The following USP12 variants were observed in gnomAD, a reference collection of about 807,000 sequenced individuals.
USP12 encodes ubiquitin carboxyl-terminal hydrolase 12.
USP12 carries 19 observed loss-of-function variants against 45.5 expected under a neutral mutation model. The ratio of observed to expected loss-of-function variants is 0.42; its 90% confidence interval spans 0.29 to 0.61. The LOEUF (loss-of-function observed/expected upper bound fraction) is 0.61, where lower values mean the gene tolerates loss of function less well. USP12 is among the 20% of genes least tolerant of loss of function. The pLI, the probability that USP12 is intolerant of heterozygous loss-of-function variation, is 0.22. For synonymous variants in USP12, 149 were observed against 148.8 expected (o/e 1.00, Z -0.01); for missense variants, 242 against 447.7 (o/e 0.54, Z 4.15).
chr13:27,133,779 T>C (rs1056245323), intron 1 of USP12, among the ~76,000 whole-genome samples: 2 of 152,144 alleles, frequency 1.3e-5, no homozygotes, highest in African/African-American at 2.4e-5. Flanking sequence ...ATACTACATA[T>C]AGAAATGTAA....
At chr13:27,160,613 A>G (rs903791202) in intron 1 of USP12, among the ~76,000 whole-genome samples, 2 of 151,866 alleles carry the variant, frequency 1.3e-5, no homozygotes, top group African/African-American at 2.4e-5. Flanking sequence ...TGAGCCTTTG[A>G]TGTTTCAAAT....
intron 1 of USP12, among the ~76,000 whole-genome samples, chr13:27,123,560 C>T (rs1876095220): frequency 6.6e-6 from 1 of 152,142 alleles, no homozygotes; most frequent in African/African-American, 2.4e-5. Flanking sequence ...TCCCACGTGT[C>T]GTGGCAGAGA....
chr13:27,162,204 T>G (rs1878142104), intron 1 of USP12, among the ~76,000 whole-genome samples: 1 of 152,188 alleles, frequency 6.6e-6, no homozygotes, highest in Admixed American at 6.5e-5. Context: ...TCTGATCTAA[T>G]GGGGAAATTA....
chr13:27,121,463 C>A (rs1875981556), intron 1 of USP12, among the ~76,000 whole-genome samples: 1 of 152,102 alleles, frequency 6.6e-6, no homozygotes, highest in Admixed American at 6.5e-5. Context: ...CAAATACAAG[C>A]CAAGAGATTT....
In USP12 at chr13:27,073,972, T is replaced by A. The variant is rs185204010; in HGVS notation, c.932+1219A>T. Among the ~76,000 whole-genome samples the A allele has an allele frequency of 1.9e-3, 291 of 152,294 alleles. 1 individual carries two copies. Among genetic ancestry groups the A allele is most frequent in the African/African-American group, 6.7e-3 (280 of 41,560 alleles). On this transcript the variant is annotated intron_variant, in intron 7 of 8. Transcript: ENST00000282344. Reference sequence around the variant, plus strand: ...TTGACACTGCTTCACTCCTTTAAGATGTGATCACTCTTAATTTAGAAGTAG... The same window carrying A: ...TTGACACTGCTTCACTCCTTTAAGAAGTGATCACTCTTAATTTAGAAGTAG...
intron 6 of USP12, among the ~76,000 whole-genome samples, chr13:27,088,639 C>T (rs1330000059): frequency 2.6e-5 from 4 of 152,212 alleles, no homozygotes; most frequent in Non-Finnish European, 2.9e-5. Context: ...ACATGACTAG[C>T]CCCAAATAAA....
chr13:27,080,751 A>G (rs1171060016), intron 6 of USP12, among the ~76,000 whole-genome samples: 1 of 152,254 alleles, frequency 6.6e-6, no homozygotes, highest in African/African-American at 2.4e-5. Flanking sequence ...GAAGACCGCA[A>G]TAAAGCAAGT....
intron 1 of USP12, among the ~76,000 whole-genome samples, chr13:27,168,717 T>C (rs117724449): frequency 0.039 from 5,957 of 152,300 alleles, 156 homozygotes; most frequent in Admixed American, 0.076. Context: ...CAGGCTATAA[T>C]ACTAACTTAT....
intron 1 of USP12, chr13:27,169,274 A>G (rs557343717): frequency 6.6e-6 from 1 of 152,322 alleles, no homozygotes; most frequent in South Asian, 2.1e-4. Context: ...GGATTATTCA[A>G]GTAAGGCTCC....
At chr13:27,147,500 T>C (rs1877360330) in intron 1 of USP12, among the ~76,000 whole-genome samples, 1 of 152,074 alleles carries the variant, frequency 6.6e-6, no homozygotes, top group Non-Finnish European at 1.5e-5. Context: ...CTGAAACATA[T>C]AGGCATTTAG....
chr13:27,075,280 A>T lies in USP12; in HGVS notation c.843T>A (p.Pro281=), dbSNP rs1873425197. 1.9e-6 allele frequency: 3 copies of T among 1,614,152 alleles called. No homozygotes were observed. The highest frequency in any genetic ancestry group is 3.3e-4 in the Middle Eastern group (2 of 6,062). Residue 281 remains proline, a synonymous_variant, in exon 7 of 9, where the codon CCT becomes CCA. Coordinates refer to ENST00000282344, the MANE Select transcript of USP12 (RefSeq NM_182488.4). ...AAGTGTTAAACAGACGAAGTTCTAA[A>T]GGAAAAACTACCCGGTAAGAGAGTT... is the stretch of plus-strand genomic sequence containing the variant. The part of the protein sequence containing the change: ...YTKLSYRVVF[P]LELRLFNTSG...
chr13:27,147,448 T>TAC (rs1877358407), intron 1 of USP12, among the ~76,000 whole-genome samples: 1 of 152,228 alleles, frequency 6.6e-6, no homozygotes, highest in African/African-American at 2.4e-5. Context: ...ACAAAGTTGA[T>TAC]ACATTATAAC....
At chr13:27,166,274 T>C (rs1055531500) in intron 1 of USP12, among the ~76,000 whole-genome samples, 1 of 152,184 alleles carries the variant, frequency 6.6e-6, no homozygotes, top group African/African-American at 2.4e-5. Flanking sequence ...AAAACAAAAT[T>C]AGATTATTTA....
chr13:27,085,924 C>T (rs559798710), intron 6 of USP12, among the ~76,000 whole-genome samples: 6 of 151,724 alleles, frequency 4.0e-5, no homozygotes, highest in Non-Finnish European at 7.4e-5. Flanking sequence ...CCAGCTACAC[C>T]AGAGGCTGAG....
At chr13:27,073,381 G>C (rs904527352) in intron 7 of USP12, among the ~76,000 whole-genome samples, 1 of 152,218 alleles carries the variant, frequency 6.6e-6, no homozygotes. Flanking sequence ...GGATTTTACA[G>C]TGCTTGTGAG....
At chr13:27,114,356 T>C (rs1034993930) in intron 2 of USP12, among the ~76,000 whole-genome samples, 1 of 152,222 alleles carries the variant, frequency 6.6e-6, no homozygotes, top group Admixed American at 6.5e-5. Context: ...AGGCAATTTA[T>C]CAGGTTAAAA....
intron 1 of USP12, among the ~76,000 whole-genome samples, chr13:27,160,587 C>T (rs1348262142): frequency 2.6e-5 from 4 of 151,076 alleles, no homozygotes; most frequent in South Asian, 2.1e-4. Flanking sequence ...GTTTTTGGTC[C>T]GTTGTATCTA....
intron 2 of USP12, among the ~76,000 whole-genome samples, chr13:27,114,048 A>G (rs183275095): frequency 7.8e-4 from 119 of 152,342 alleles, no homozygotes; most frequent in African/African-American, 2.8e-3. Context: ...AAGGGAAAGC[A>G]CATTTCTTTT....
At chr13:27,087,286 C>T (rs935882880) in intron 6 of USP12, among the ~76,000 whole-genome samples, 25 of 136,922 alleles carry the variant, frequency 1.8e-4, no homozygotes, top group South Asian at 4.9e-4. Context: ...TGTGTGTGCG[C>T]GCACGCTCGT....
Sources: gnomAD v4.1 joint callset for allele counts (sites outside exome capture counted in the v4.1 genomes callset) on GRCh38, gnomAD v4.1.1 for gene constraint, MANE v1.5 for transcripts, NCBI Gene and HGNC (gene_info 2026-07-23, HGNC 2026-07-21) for gene names.